VEZT: variants seen among roughly 807,000 people sequenced by gnomAD.
VEZT encodes vezatin.
Under a neutral mutation model 79.9 loss-of-function variants are expected in VEZT, and 39 were observed. The ratio of observed to expected loss-of-function variants is 0.49; its 90% CI spans 0.38 to 0.64. The LOEUF (loss-of-function observed/expected upper bound fraction) is 0.64, where lower values mean the gene tolerates loss of function less well. Among genes scored for constraint, VEZT ranks in the 30% least tolerant of loss-of-function variants. The pLI, the probability that VEZT is intolerant of heterozygous loss-of-function variation, is 0.00. For missense variants in VEZT, 837 were observed against 893.1 expected, an observed-to-expected ratio of 0.94 and a Z score of 0.80; for synonymous variants, 325 against 327.6, an observed-to-expected ratio of 0.99 and a Z score of 0.09.
Position 95,266,640 on chromosome 12 carries a change from C to A in VEZT, c.710+8C>A. The stretch of plus-strand genomic sequence containing the variant: ...TTCCAGAGGATTTACACTGTGAGTT[C>A]ATTTTTTATTTTATTTCTTAAATGA... On this transcript the variant is annotated splice_region_variant and intron_variant, in intron 5 of 11. Coordinates refer to ENST00000436874, the MANE Select transcript of VEZT (RefSeq NM_017599.4). 1 of 1,571,230 alleles carries A rather than the reference C, an allele frequency of 6.4e-7. No individual in the cohort carries two copies. Among genetic ancestry groups the A allele is most frequent in the Non-Finnish European group, 8.6e-7 (1 of 1,161,486 alleles).
intron 11 of VEZT, among the ~76,000 whole-genome samples, chr12:95,297,496 A>T (rs940874905): frequency 6.6e-6 from 1 of 151,456 alleles, no homozygotes; most frequent in African/African-American, 2.4e-5. Context: ...CCCCCTTTAT[A>T]GCCCAGGTCC....
At chr12:95,293,077 C>T (rs556670286) in intron 9 of VEZT, among the ~76,000 whole-genome samples, 5 of 152,062 alleles carry the variant, frequency 3.3e-5, no homozygotes, top group Admixed American at 6.5e-5. Context: ...GTCTCAAACT[C>T]CTGACCTCAT....
rs375891103 is a variant in VEZT, at chr12:95,243,025, A to G, written c.37-8915A>G. On this transcript the variant is annotated intron_variant, in intron 1 of 11. Transcript: ENST00000436874. Reference sequence around the variant, plus strand: ...AGGAAAACCTAGCATCTGATTTTTAAAAGACTTTTATTATAGACCTTAAAA... The same window carrying G: ...AGGAAAACCTAGCATCTGATTTTTAGAAGACTTTTATTATAGACCTTAAAA... Among the ~76,000 whole-genome samples, 3 of 152,292 alleles carry G rather than the reference A, an allele frequency of 2.0e-5. No individual in the cohort carries two copies. The South Asian group carries it at 6.2e-4, about 32-fold the overall frequency.
At chr12:95,230,588 T>A (rs1418873458) in intron 1 of VEZT, among the ~76,000 whole-genome samples, 4 of 151,124 alleles carry the variant, frequency 2.6e-5, no homozygotes, top group Non-Finnish European at 5.9e-5. Context: ...TTTTTTTTTT[T>A]TTATTTATTT....
At chr12:95,251,493 T>G (rs2062602916) in intron 1 of VEZT, among the ~76,000 whole-genome samples, 1 of 152,216 alleles carries the variant, frequency 6.6e-6, no homozygotes, top group South Asian at 2.1e-4. Context: ...TTAAGGAATA[T>G]GATGAGATGA....
chr12:95,234,393 G>C (rs934954852), intron 1 of VEZT, among the ~76,000 whole-genome samples: 1 of 150,856 alleles, frequency 6.6e-6, no homozygotes, highest in African/African-American at 2.4e-5. Flanking sequence ...GGGTTCAAGC[G>C]ATTCTCCTGC....
chr12:95,217,945 A>G (rs1443137534), intron 1 of VEZT, 59 bp downstream of exon 1: 1 of 1,436,700 alleles, frequency 7.0e-7, no homozygotes, highest in East Asian at 2.8e-5. Flanking sequence ...CGAGACGGAA[A>G]TCGAGGAAGC....
intron 1 of VEZT, among the ~76,000 whole-genome samples, chr12:95,241,657 G>T (rs1380233067): frequency 2.6e-5 from 4 of 152,098 alleles, no homozygotes; most frequent in African/African-American, 4.8e-5. Flanking sequence ...TGCCAAATGT[G>T]GGGAGGGGGA....
intron 11 of VEZT, among the ~76,000 whole-genome samples, chr12:95,297,702 C>G (rs376434336): frequency 1.6e-4 from 25 of 152,288 alleles, no homozygotes; most frequent in Middle Eastern, 3.4e-3. Context: ...TTCCTGTTTT[C>G]AAGTCTCTTC....
At chr12:95,258,156 C>A (rs2063763175) in intron 3 of VEZT, 1 of 426,722 alleles carries the variant, frequency 2.3e-6, no homozygotes, top group Admixed American at 2.7e-5. Flanking sequence ...TTGTCAAGTT[C>A]TTTGTTCAGG....
chr12:95,240,073 G>GAAGGAAGAAAGAA, intron 1 of VEZT, among the ~76,000 whole-genome samples: 1 of 98,992 alleles, frequency 1.0e-5, no homozygotes, highest in Middle Eastern at 4.5e-3. Context: ...AGGAAGGAAG[G>GAAGGAAGAAAGAA]AAGAAAAGAA....
At chr12:95,296,573 C>A in intron 11 of VEZT, 1 of 187,150 alleles carries the variant, frequency 5.3e-6, no homozygotes. Context: ...TTGAGATTCT[C>A]AACTCTGTTG....
intron 3 of VEZT, among the ~76,000 whole-genome samples, chr12:95,261,437 A>T (rs745696129): frequency 6.6e-6 from 1 of 151,976 alleles, no homozygotes; most frequent in Non-Finnish European, 1.5e-5. Flanking sequence ...TTTGAGACGG[A>T]ATCTTGCTCT....
intron 6 of VEZT, among the ~76,000 whole-genome samples, chr12:95,272,096 A>G (rs891604629): frequency 1.3e-5 from 2 of 152,128 alleles, no homozygotes; most frequent in East Asian, 1.9e-4. Flanking sequence ...CTTGAGCCCA[A>G]AAGGTCAAGG....
At chr12:95,269,888 A>C (rs572427706) in intron 5 of VEZT, 163 bp from the exon 6 acceptor site, 96 of 712,842 alleles carry the variant, frequency 1.3e-4, no homozygotes, top group Non-Finnish European at 2.0e-4. Context: ...AGAAATGACT[A>C]TTTTATGAGA....
chr12:95,272,143 T>C (rs112281197), intron 6 of VEZT, among the ~76,000 whole-genome samples: 10,210 of 152,190 alleles, frequency 0.067, 454 homozygotes, highest in Middle Eastern at 0.11. Context: ...CATTCCAGCC[T>C]GGGCAACAGA....
intron 1 of VEZT, among the ~76,000 whole-genome samples, chr12:95,219,243 TCTG>T (rs1489387987): frequency 1.3e-5 from 2 of 152,178 alleles, no homozygotes; most frequent in Non-Finnish European, 2.9e-5. Flanking sequence ...ATTTTTGATT[TCTG>T]AATATAATAG....
chr12:95,282,315 T>A lies in VEZT; in HGVS notation c.999T>A (p.Val333=). 1 of 1,592,280 alleles carries A rather than the reference T, an allele frequency of 6.3e-7. No homozygotes were observed. The highest frequency in any genetic ancestry group is 8.5e-7 in the Non-Finnish European group (1 of 1,172,684). The change falls in exon 8 of 12, where the codon GTT becomes GTA. Residue 333 remains valine, a splice_region_variant and synonymous_variant. Transcript: ENST00000436874. ...TDGFSLPALK[V]LFQLWVAQSS... ...TTCTTTTTTCTTTTTTCTTTAAGGT[T>A]TTGTTCCAACTCTGGGTGGCACAGA... is the stretch of plus-strand genomic sequence containing the variant.
intron 2 of VEZT, among the ~76,000 whole-genome samples, chr12:95,252,800 A>G (rs2062825596): frequency 6.6e-6 from 1 of 152,120 alleles, no homozygotes; most frequent in Admixed American, 6.5e-5. Flanking sequence ...CCCTGTCTCT[A>G]CTAAAAATGG....
Sources: allele counts gnomAD v4.1 joint callset (sites outside exome capture counted in the v4.1 genomes callset), GRCh38; gene constraint gnomAD v4.1.1; transcripts MANE v1.5; gene names NCBI Gene and HGNC (gene_info 2026-07-23, HGNC 2026-07-21).